FOXN3: variants seen among roughly 807,000 people sequenced by gnomAD.
FOXN3 encodes forkhead box N3.
In FOXN3, 7 loss-of-function variants were observed where a neutral mutation model predicts 38.4. That is an observed-to-expected ratio of 0.18 (90% CI 0.10 to 0.34). The LOEUF is 0.34. FOXN3 is among the 10% of genes least tolerant of loss of function. The pLI, the probability that FOXN3 is intolerant of heterozygous loss-of-function variation, is 1.00. For synonymous variants in FOXN3, 230 were observed against 242.2 expected (o/e 0.95, Z 0.47); for missense variants, 456 against 613.4 (o/e 0.74, Z 2.71).
chr14:89,330,655 T>A (rs1888221587), intron 3 of FOXN3, among the ~76,000 whole-genome samples: 1 of 152,232 alleles, frequency 6.6e-6, no homozygotes, highest in Admixed American at 6.5e-5. Flanking sequence ...CCATAAACGA[T>A]GTTTTTCCTT....
intron 1 of FOXN3, among the ~76,000 whole-genome samples, chr14:89,505,992 C>T (rs1289456797): frequency 2.0e-5 from 3 of 149,790 alleles, no homozygotes; most frequent in South Asian, 2.1e-4. Context: ...GGAGCGTCTC[C>T]GCCTGGCAGC....
At chr14:89,400,426 G>T (rs774995361) in intron 2 of FOXN3, among the ~76,000 whole-genome samples, 1 of 152,160 alleles carries the variant, frequency 6.6e-6, no homozygotes, top group African/African-American at 2.4e-5. Flanking sequence ...GAAACTTCCT[G>T]ACAGCTCCAC....
intron 3 of FOXN3, among the ~76,000 whole-genome samples, chr14:89,335,081 A>T (rs1178569059): frequency 1.0e-3 from 10 of 9,562 alleles, no homozygotes; most frequent in Admixed American, 2.4e-3. Flanking sequence ...TTCATATCAC[A>T]CACACACACA....
At chr14:89,557,563 G>T (rs537586945) in intron 1 of FOXN3, among the ~76,000 whole-genome samples, 3 of 152,280 alleles carry the variant, frequency 2.0e-5, no homozygotes, top group African/African-American at 7.2e-5. Flanking sequence ...ACCTCGCCTG[G>T]TTAGCTGTGG....
intron 1 of FOXN3, among the ~76,000 whole-genome samples, chr14:89,590,833 G>A (rs1357103467): frequency 2.0e-5 from 3 of 152,152 alleles, no homozygotes; most frequent in Non-Finnish European, 4.4e-5. Flanking sequence ...TACCTTGTCT[G>A]ATAGTAGGTC....
intron 1 of FOXN3, among the ~76,000 whole-genome samples, chr14:89,556,563 A>G (rs28473180): frequency 0.029 from 4,339 of 152,210 alleles, 208 homozygotes; most frequent in African/African-American, 0.1. Context: ...CAGGCCTTCT[A>G]ATACTGAATG....
chr14:89,420,175 A>G (rs868252842), upstream of FOXN3, among the ~76,000 whole-genome samples: 1 of 152,328 alleles, frequency 6.6e-6, no homozygotes. Context: ...GCAAGCCCTG[A>G]GGCCTTCTGA....
chr14:89,233,026 G>A (rs1351373616), intron 4 of FOXN3, among the ~76,000 whole-genome samples: 4 of 152,196 alleles, frequency 2.6e-5, no homozygotes, highest in Non-Finnish European at 5.9e-5. Flanking sequence ...CGAGCAAAAT[G>A]ATCCCTCTCC....
intron 1 of FOXN3, among the ~76,000 whole-genome samples, chr14:89,614,736 G>C (rs1356270800): frequency 6.6e-6 from 1 of 152,228 alleles, no homozygotes; most frequent in Non-Finnish European, 1.5e-5. Flanking sequence ...CCTCAGAGCA[G>C]CTCTGTTTTT....
intron 1 of FOXN3, among the ~76,000 whole-genome samples, chr14:89,555,625 A>G (rs1222645918): frequency 1.3e-5 from 2 of 152,194 alleles, no homozygotes; most frequent in African/African-American, 4.8e-5. Context: ...AATAATATCT[A>G]CACTGGTCTT....
At chr14:89,273,928 G>T (rs753981950) in intron 4 of FOXN3, among the ~76,000 whole-genome samples, 1 of 152,196 alleles carries the variant, frequency 6.6e-6, no homozygotes. Flanking sequence ...ATGGAGAGAG[G>T]TTTTCTTATT....
Position 89,332,131 on chromosome 14 carries a change from G to A in FOXN3, c.680+18541C>T, listed in dbSNP as rs368934944. ...TGTCCCACCTAAGGACTCTAAACTG[G>A]GTGATTTTAGGTTCTTTTCTGCTGC... On this transcript the variant is annotated intron_variant, in intron 3 of 5. Transcript: ENST00000557258. 1.7e-3 allele frequency among the ~76,000 whole-genome samples: 257 copies of A among 152,164 alleles called. 1 individual carries two copies. Among genetic ancestry groups the A allele is most frequent in the Non-Finnish European group, 3.0e-3 (203 of 68,022 alleles).
chr14:89,236,758 T>C (rs886119856), intron 4 of FOXN3, among the ~76,000 whole-genome samples: 1 of 152,238 alleles, frequency 6.6e-6, no homozygotes, highest in Non-Finnish European at 1.5e-5. Flanking sequence ...GTGGGGACAC[T>C]TAAAGCCTCT....
intron 2 of FOXN3, among the ~76,000 whole-genome samples, chr14:89,393,090 C>T (rs926656991): frequency 1.3e-5 from 2 of 152,016 alleles, no homozygotes; most frequent in Non-Finnish European, 2.9e-5. Flanking sequence ...CAGGCATGAG[C>T]CACCGTGCCC....
intron 1 of FOXN3, among the ~76,000 whole-genome samples, chr14:89,486,145 G>A (rs916944432): frequency 2.0e-5 from 3 of 152,078 alleles, no homozygotes; most frequent in African/African-American, 4.8e-5. Flanking sequence ...CCTGTCCCAA[G>A]AACACACAAC....
intron 1 of FOXN3, among the ~76,000 whole-genome samples, chr14:89,587,154 A>T (rs1596325651): frequency 6.6e-6 from 1 of 152,186 alleles, no homozygotes; most frequent in East Asian, 1.9e-4. Flanking sequence ...TGAAGGCAAA[A>T]TTTCCTCTTT....
chr14:89,529,160 C>G (rs1428329442), intron 1 of FOXN3, among the ~76,000 whole-genome samples: 3 of 152,120 alleles, frequency 2.0e-5, no homozygotes, highest in African/African-American at 7.2e-5. Flanking sequence ...TTCTTTAAGT[C>G]TCATCCTATC....
At chr14:89,367,687 AAATTAAACAAACAG>A (rs1178282857) in intron 2 of FOXN3, among the ~76,000 whole-genome samples, 2 of 152,016 alleles carry the variant, frequency 1.3e-5, no homozygotes, top group African/African-American at 4.8e-5. Context: ...ATGGAGGAAA[AAATTAAACAAACAG>A]AATCTACCCA....
chr14:89,365,773 T>C (rs1890123357), intron 2 of FOXN3, among the ~76,000 whole-genome samples: 1 of 152,208 alleles, frequency 6.6e-6, no homozygotes, highest in East Asian at 1.9e-4. Context: ...TGCCATGCTA[T>C]GCCACTTCAA....
Sources: gnomAD v4.1 joint callset for allele counts (sites outside exome capture counted in the v4.1 genomes callset) on GRCh38, gnomAD v4.1.1 for gene constraint, MANE v1.5 for transcripts, NCBI Gene and HGNC (gene_info 2026-07-23, HGNC 2026-07-21) for gene names.